Variants in IL2RB observed in about 807,000 individuals in gnomAD.
IL2RB encodes the protein interleukin 2 receptor subunit beta.
Under a neutral mutation model 44.2 loss-of-function variants are expected in IL2RB, and 17 were observed. That is an observed-to-expected ratio of 0.38 (90% CI 0.26 to 0.58). The LOEUF (loss-of-function observed/expected upper bound fraction) is 0.58. Among genes scored for constraint, IL2RB ranks in the 20% least tolerant of loss-of-function variants. IL2RB has a pLI of 0.63. For missense variants in IL2RB, 624 were observed against 685.5 expected, an observed-to-expected ratio of 0.91 and a Z score of 1.00; for synonymous variants, 286 against 297.9, an observed-to-expected ratio of 0.96 and a Z score of 0.41.
chr22:37,130,601 C>T (rs917317188), intron 9 of IL2RB, among the ~76,000 whole-genome samples: 2 of 152,224 alleles, frequency 1.3e-5, no homozygotes, highest in Admixed American at 1.3e-4. Context: ...ACACACTAGA[C>T]CCAAGGATAC....
intron 1 of IL2RB, among the ~76,000 whole-genome samples, chr22:37,167,572 C>T (rs1357432602): frequency 6.6e-6 from 1 of 152,180 alleles, no homozygotes; most frequent in Non-Finnish European, 1.5e-5. Context: ...CCAAGCTCTT[C>T]CCTGCCTCGA....
Position 37,137,482 on chromosome 22 carries a change from T to G in IL2RB, c.537+105A>C, listed in dbSNP as rs567797359. ...GAGCACTGGACTCAGCCACCCACCA[T>G]CCACCTGGGGCTGAGGGGACCTCGA... On this transcript the variant is annotated intron_variant, in intron 6 of 9. Coordinates refer to ENST00000216223, the MANE Select transcript of IL2RB (RefSeq NM_000878.5). 24 of 1,215,706 alleles carry G rather than the reference T, an allele frequency of 2.0e-5. 1 individual carries two copies. In the African/African-American group the frequency reaches 3.0e-4, roughly 15 times the overall value. The allele number at this position is 1,215,706 out of a possible 1,614,324, so 75.3% of individuals were successfully genotyped here. A position where few individuals can be genotyped will look rare whatever the true frequency, so the allele number is the denominator to read the frequency against.
At chr22:37,164,120 G>A (rs1922979622) in intron 1 of IL2RB, among the ~76,000 whole-genome samples, 1 of 152,208 alleles carries the variant, frequency 6.6e-6, no homozygotes, top group South Asian at 2.1e-4. Context: ...GCAGAGCAGA[G>A]CGGAAAGCAA....
At chr22:37,156,194 C>T (rs1159411814) in intron 1 of IL2RB, among the ~76,000 whole-genome samples, 4 of 152,210 alleles carry the variant, frequency 2.6e-5, no homozygotes, top group African/African-American at 9.7e-5. Context: ...ATACCAGTCC[C>T]ACACCCAGGC....
intron 1 of IL2RB, among the ~76,000 whole-genome samples, chr22:37,166,465 C>T (rs1923081916): frequency 6.6e-6 from 1 of 152,180 alleles, no homozygotes; most frequent in South Asian, 2.1e-4. Context: ...TCTGTGCCAC[C>T]CCTGCTCCGT....
At chr22:37,150,444 T>C (rs908138207), upstream of IL2RB, among the ~76,000 whole-genome samples, 10 of 152,264 alleles carry the variant, frequency 6.6e-5, no homozygotes, top group East Asian at 1.5e-3. Flanking sequence ...TTTTAGTTTT[T>C]AATTTTGTGG....
chr22:37,146,965 C>A (rs999201534), intron 1 of IL2RB, among the ~76,000 whole-genome samples: 10 of 152,256 alleles, frequency 6.6e-5, no homozygotes, highest in African/African-American at 2.4e-4. Context: ...AGTCAGAGGC[C>A]CACGCACTGT....
intron 8 of IL2RB, among the ~76,000 whole-genome samples, chr22:37,132,687 G>C (rs1921494670): frequency 1.3e-5 from 2 of 152,244 alleles, no homozygotes; most frequent in South Asian, 2.1e-4. Flanking sequence ...TCAAGGAGCT[G>C]ACATTCTCAT....
At chr22:37,160,515 A>C (rs1468486954) in intron 1 of IL2RB, among the ~76,000 whole-genome samples, 1 of 152,186 alleles carries the variant, frequency 6.6e-6, no homozygotes, top group African/African-American at 2.4e-5. Flanking sequence ...CAGCTACAGG[A>C]GAAATGGCAG....
chr22:37,136,722 C>A (rs1022797615), intron 6 of IL2RB, among the ~76,000 whole-genome samples: 3 of 152,152 alleles, frequency 2.0e-5, no homozygotes, highest in Admixed American at 6.5e-5. Flanking sequence ...CTGGTTCCCA[C>A]CCGTGCCCCG....
chr22:37,170,775 T>C (rs575389967), intron 1 of IL2RB, among the ~76,000 whole-genome samples: 2 of 152,196 alleles, frequency 1.3e-5, no homozygotes, highest in Non-Finnish European at 2.9e-5. Flanking sequence ...CTGCTGCCTT[T>C]AAGACTTTAC....
intron 4 of IL2RB, among the ~76,000 whole-genome samples, chr22:37,140,178 G>A (rs1430507167): frequency 2.6e-5 from 4 of 152,096 alleles, no homozygotes; most frequent in African/African-American, 7.2e-5. Context: ...CCTTAAACCT[G>A]ATCGTTGGAA....
chr22:37,134,779 G>T (rs1251500085), intron 8 of IL2RB, among the ~76,000 whole-genome samples: 4 of 152,178 alleles, frequency 2.6e-5, no homozygotes, highest in Non-Finnish European at 4.4e-5. Flanking sequence ...TTACACACCT[G>T]CATGATTGTC....
At chr22:37,174,012 C>T (rs1923370935) in intron 1 of IL2RB, among the ~76,000 whole-genome samples, 1 of 152,148 alleles carries the variant, frequency 6.6e-6, no homozygotes, top group South Asian at 2.1e-4. Flanking sequence ...ACAGCTTCTC[C>T]CCACCCCACC....
intron 9 of IL2RB, among the ~76,000 whole-genome samples, chr22:37,129,221 G>A (rs1377912336): frequency 6.6e-6 from 1 of 152,200 alleles, no homozygotes; most frequent in Non-Finnish European, 1.5e-5. Flanking sequence ...CTGTCTAGTG[G>A]GCACTAGCAC....
At chr22:37,153,377 G>A (rs1922566805), upstream of IL2RB, among the ~76,000 whole-genome samples, 1 of 152,218 alleles carries the variant, frequency 6.6e-6, no homozygotes, top group Non-Finnish European at 1.5e-5. Context: ...AAGAAGCGTG[G>A]AGCACTGCTG....
At chr22:37,156,242 A>ACCAAGAC (rs1922676103) in intron 1 of IL2RB, among the ~76,000 whole-genome samples, 1 of 152,142 alleles carries the variant, frequency 6.6e-6, no homozygotes, top group Non-Finnish European at 1.5e-5. Flanking sequence ...ACCTGTGTTA[A>ACCAAGAC]CCAAGACCCC....
At chr22:37,138,989 G>T in intron 5 of IL2RB, 128 bp downstream of exon 5, 1 of 647,006 alleles carries the variant, frequency 1.5e-6, no homozygotes, top group Non-Finnish European at 2.8e-6. Flanking sequence ...AACAGCGGGC[G>T]GTGAGGTGAT....
intron 1 of IL2RB, among the ~76,000 whole-genome samples, chr22:37,158,686 G>A (rs1178400035): frequency 6.6e-6 from 1 of 152,254 alleles, no homozygotes; most frequent in African/African-American, 2.4e-5. Flanking sequence ...CATAAAGGCG[G>A]TAAGCCCTGT....
Sources: allele counts gnomAD v4.1 joint callset (sites outside exome capture counted in the v4.1 genomes callset), GRCh38; gene constraint gnomAD v4.1.1; transcripts MANE v1.5; gene names NCBI Gene and HGNC (gene_info 2026-07-23, HGNC 2026-07-21).